PDIA5: variants seen among roughly 807,000 people sequenced by gnomAD.
The protein encoded by PDIA5 is protein disulfide-isomerase A5.
Under a neutral mutation model 77.6 loss-of-function variants are expected in PDIA5, and 58 were observed. The observed-to-expected ratio is 0.75, with a 90% CI of 0.61 to 0.93. The LOEUF is 0.93. Ranked by LOEUF, PDIA5 falls within the 40% of genes least tolerant of loss-of-function variation. The pLI, the probability that PDIA5 is intolerant of heterozygous loss-of-function variation, is 0.00. For missense variants in PDIA5, 630 were observed against 647.7 expected (o/e 0.97, Z 0.30); for synonymous variants, 250 against 252.1 (o/e 0.99, Z 0.08).
chr3:123,105,756 C>T (rs1211584171), intron 5 of PDIA5, among the ~76,000 whole-genome samples: 1 of 152,152 alleles, frequency 6.6e-6, no homozygotes, highest in Admixed American at 6.5e-5. Flanking sequence ...CACACACACA[C>T]ACACACATAC....
chr3:123,112,509 A>ACAGCAGCC (rs1356141782), intron 7 of PDIA5, among the ~76,000 whole-genome samples: 4 of 143,186 alleles, frequency 2.8e-5, no homozygotes, highest in Non-Finnish European at 6.0e-5. Context: ...ATTCGCCATG[A>ACAGCAGCC]CAGCAGCCTT....
chr3:123,151,863 T>TCCTGCCTGCCTG (rs1935911261), intron 14 of PDIA5, among the ~76,000 whole-genome samples: 1 of 131,246 alleles, frequency 7.6e-6, no homozygotes, highest in Non-Finnish European at 1.6e-5. Flanking sequence ...CTGCCCTCCT[T>TCCTGCCTGCCTG]CCTTCCTGCC....
At chr3:123,142,819 A>G (rs1375255161) in intron 11 of PDIA5, among the ~76,000 whole-genome samples, 1 of 152,152 alleles carries the variant, frequency 6.6e-6, no homozygotes, top group Non-Finnish European at 1.5e-5. Flanking sequence ...TGAATTGAGC[A>G]TGGGGACGTC....
intron 2 of PDIA5, among the ~76,000 whole-genome samples, chr3:123,090,702 A>T (rs1934261459): frequency 6.6e-6 from 1 of 152,176 alleles, no homozygotes; most frequent in African/African-American, 2.4e-5. Flanking sequence ...GAAAATCATT[A>T]TGGGAAGTTA....
At chr3:123,127,256 A>C (rs542572608) in intron 10 of PDIA5, among the ~76,000 whole-genome samples, 16 of 152,370 alleles carry the variant, frequency 1.1e-4, no homozygotes, top group African/African-American at 3.8e-4. Flanking sequence ...TCATGAAATC[A>C]GTCGCATGAA....
chr3:123,119,219 C>T (rs1411644330), intron 8 of PDIA5, among the ~76,000 whole-genome samples: 1 of 152,158 alleles, frequency 6.6e-6, no homozygotes, highest in Admixed American at 6.5e-5. Flanking sequence ...TTGCACCATG[C>T]TCTGCACAAC....
At chr3:123,134,507 C>T (rs79200929) in intron 11 of PDIA5, among the ~76,000 whole-genome samples, 2,983 of 152,246 alleles carry the variant, frequency 0.02, 88 homozygotes, top group African/African-American at 0.068. Context: ...TGTTACCCAT[C>T]ACCGTAAGTG....
intron 3 of PDIA5, 61 bp downstream of exon 3, chr3:123,092,503 T>C (rs1934324392): frequency 4.2e-6 from 5 of 1,194,490 alleles, no homozygotes; most frequent in East Asian, 2.3e-5. Flanking sequence ...GGGGCTTTGA[T>C]TGGTGGGGAC....
At chr3:123,067,790 A>T (rs2107896987) in intron 1 of PDIA5, among the ~76,000 whole-genome samples, 1 of 152,298 alleles carries the variant, frequency 6.6e-6, no homozygotes, top group South Asian at 2.1e-4. Context: ...GGCGGGCTCG[A>T]GCCTCAGCCA....
intron 15 of PDIA5, among the ~76,000 whole-genome samples, chr3:123,155,974 G>A (rs2107993521): frequency 6.6e-6 from 1 of 152,184 alleles, no homozygotes; most frequent in Non-Finnish European, 1.5e-5. Flanking sequence ...CAGGAAAGGG[G>A]AGCAGGTATT....
At chr3:123,079,442 A>T (rs1933938959) in intron 1 of PDIA5, among the ~76,000 whole-genome samples, 1 of 152,156 alleles carries the variant, frequency 6.6e-6, no homozygotes, top group African/African-American at 2.4e-5. Flanking sequence ...GGCCTCCCAA[A>T]GTGAATTCTA....
intron 3 of PDIA5, among the ~76,000 whole-genome samples, chr3:123,098,917 G>A (rs1560512077): frequency 1.3e-5 from 2 of 152,180 alleles, no homozygotes; most frequent in African/African-American, 2.4e-5. Context: ...AGGGAGGTAG[G>A]CAGTAGATCA....
chr3:123,122,194 C>T (rs1935135564), intron 8 of PDIA5, among the ~76,000 whole-genome samples: 1 of 152,042 alleles, frequency 6.6e-6, no homozygotes, highest in African/African-American at 2.4e-5. Context: ...AGGTTTTGTG[C>T]AGGGAAGTGA....
At chr3:123,103,853 T>C (rs1934662813) in intron 5 of PDIA5, among the ~76,000 whole-genome samples, 1 of 152,332 alleles carries the variant, frequency 6.6e-6, no homozygotes, top group African/African-American at 2.4e-5. Flanking sequence ...AGAGAACACA[T>C]GTTCCCCAGG....
At chr3:123,072,002 G>A (rs916901781) in intron 1 of PDIA5, among the ~76,000 whole-genome samples, 5 of 151,762 alleles carry the variant, frequency 3.3e-5, no homozygotes, top group African/African-American at 1.2e-4. Flanking sequence ...AAAGTGGATC[G>A]TAAAGAACTT....
At chr3:123,076,245 G>T (rs1424922223) in intron 1 of PDIA5, among the ~76,000 whole-genome samples, 2 of 152,168 alleles carry the variant, frequency 1.3e-5, no homozygotes, top group East Asian at 3.8e-4. Context: ...ATCTGTCCTG[G>T]CGGGGACCTG....
chr3:123,130,592 G>A lies in PDIA5; in HGVS notation c.886G>A (p.Val296Ile), dbSNP rs1218890810. 2 of 1,613,984 alleles carry A rather than the reference G, an allele frequency of 1.2e-6. No homozygotes were observed. The highest frequency in any genetic ancestry group is 1.7e-6 in the Non-Finnish European group (2 of 1,179,996). Reference protein sequence around the residue: ...FDQFVKEHSSVLVMFHAPWCG... With the variant: ...FDQFVKEHSSILVMFHAPWCG... The stretch of plus-strand genomic sequence containing the variant: ...CCAGTTTGTGAAGGAACACTCCTCT[G>A]TCCTCGTCATGTTCCACGCCCCATG... Residue 296 changes from valine to isoleucine, a missense_variant, in exon 11 of 17, where the codon GTC (valine) becomes ATC (isoleucine). By Grantham distance (29) the Val-to-Ile change is conservative. Transcript: ENST00000316218.
At chr3:123,078,174 T>C (rs1933905344) in intron 1 of PDIA5, among the ~76,000 whole-genome samples, 1 of 152,202 alleles carries the variant, frequency 6.6e-6, no homozygotes, top group African/African-American at 2.4e-5. Context: ...AGGTATGTGT[T>C]GCGTGCCAAG....
At chr3:123,079,007 T>A (rs1380368246) in intron 1 of PDIA5, among the ~76,000 whole-genome samples, 1 of 152,090 alleles carries the variant, frequency 6.6e-6, no homozygotes, top group East Asian at 1.9e-4. Context: ...GGTAGCCAAG[T>A]GGTGGTAATT....
Sources: gnomAD v4.1 joint callset for allele counts (sites outside exome capture counted in the v4.1 genomes callset) on GRCh38, gnomAD v4.1.1 for gene constraint, MANE v1.5 for transcripts, NCBI Gene and HGNC (gene_info 2026-07-23, HGNC 2026-07-21) for gene names.